The following TRAPPC9 variants were observed in gnomAD, a reference collection of about 807,000 sequenced individuals.
TRAPPC9 encodes the protein IKK2 binding protein.
A neutral mutation model predicts 124.0 loss-of-function variants in TRAPPC9; 83 were observed. The observed-to-expected ratio is 0.67, with a 90% CI of 0.56 to 0.80. The LOEUF is 0.80. TRAPPC9 is among the 30% of genes least tolerant of loss of function. The probability of loss-of-function intolerance (pLI) is 0.00; values close to 1 mark genes in which losing one functional copy is unlikely to be tolerated. For missense variants in TRAPPC9, 1,302 were observed against 1,508.3 expected (o/e 0.86, Z 2.27); for synonymous variants, 638 against 617.5 (o/e 1.03, Z -0.49).
chr8:140,233,581 T>G (rs2063655372), intron 16 of TRAPPC9, among the ~76,000 whole-genome samples: 1 of 145,280 alleles, frequency 6.9e-6, no homozygotes. Context: ...TTCCTCTCTC[T>G]CTCTCTCTCG....
chr8:139,755,001 G>A (rs889026713), intron 21 of TRAPPC9, among the ~76,000 whole-genome samples: 1 of 152,242 alleles, frequency 6.6e-6, no homozygotes, highest in Non-Finnish European at 1.5e-5. Context: ...TGGGAAGGAC[G>A]GGCCAAAGCC....
intron 21 of TRAPPC9, among the ~76,000 whole-genome samples, chr8:139,807,546 G>A (rs553600545): frequency 9.2e-5 from 14 of 152,266 alleles, no homozygotes; most frequent in South Asian, 6.2e-4. Context: ...CAAGGAAAAC[G>A]CAATGAACAG....
chr8:140,224,018 C>T (rs2063394645), intron 16 of TRAPPC9, among the ~76,000 whole-genome samples: 1 of 152,158 alleles, frequency 6.6e-6, no homozygotes, highest in African/African-American at 2.4e-5. Flanking sequence ...TGATCTGTTT[C>T]TGTTGGTGGT....
At chr8:139,898,781 G>A (rs547212940) in intron 20 of TRAPPC9, among the ~76,000 whole-genome samples, 28 of 152,186 alleles carry the variant, frequency 1.8e-4, no homozygotes, top group East Asian at 3.9e-4. Context: ...AATCCCTTCC[G>A]TGAATTTAAA....
intron 4 of TRAPPC9, among the ~76,000 whole-genome samples, chr8:140,433,056 A>C (rs1408748366): frequency 6.6e-6 from 1 of 152,134 alleles, no homozygotes; most frequent in Non-Finnish European, 1.5e-5. Context: ...TAATCCCAGC[A>C]CTTTGGGAGG....
At chr8:140,076,720 C>T (rs1040408732) in intron 17 of TRAPPC9, among the ~76,000 whole-genome samples, 2 of 152,228 alleles carry the variant, frequency 1.3e-5, no homozygotes, top group Non-Finnish European at 2.9e-5. Flanking sequence ...TACTGTCACA[C>T]AGCCCTCACC....
intron 19 of TRAPPC9, chr8:139,932,616 T>C (rs534498810): frequency 2.4e-6 from 1 of 425,388 alleles, no homozygotes; most frequent in South Asian, 1.7e-5. Flanking sequence ...CAAAAAAAAT[T>C]AGCCAGGTGT....
intron 19 of TRAPPC9, among the ~76,000 whole-genome samples, chr8:139,979,407 G>A (rs1428575169): frequency 6.6e-6 from 1 of 152,184 alleles, no homozygotes; most frequent in Non-Finnish European, 1.5e-5. Flanking sequence ...GGACCAAGGT[G>A]GTGGGAAGGG....
At position 139,731,240 on chromosome 8, in the gene TRAPPC9, G is replaced by C. The variant is rs758730843; in HGVS notation, c.3280-12C>G. ...CCGGACGGCTGCACCTGAGCAGGGA[G>C]GAGAAAGACACATCAGTCTGGTCAG... On this transcript the variant is annotated splice_polypyrimidine_tract_variant and intron_variant, in intron 22 of 22. Transcript: ENST00000438773. The C allele has an allele frequency of 1.2e-6, 2 of 1,612,762 alleles. No homozygotes were observed.
intron 17 of TRAPPC9, among the ~76,000 whole-genome samples, chr8:140,077,951 A>G (rs1843605242): frequency 6.6e-6 from 1 of 152,196 alleles, no homozygotes; most frequent in South Asian, 2.1e-4. Context: ...TCCTCAGAAA[A>G]TGGAGAACTT....
At chr8:139,817,904 C>A (rs1824966875) in intron 21 of TRAPPC9, among the ~76,000 whole-genome samples, 1 of 152,138 alleles carries the variant, frequency 6.6e-6, no homozygotes, top group Non-Finnish European at 1.5e-5. Flanking sequence ...TCATGTCTTA[C>A]AAAGCCATAC....
At chr8:139,873,856 C>G (rs891321453) in intron 21 of TRAPPC9, among the ~76,000 whole-genome samples, 1 of 152,228 alleles carries the variant, frequency 6.6e-6, no homozygotes, top group Admixed American at 6.5e-5. Context: ...CCACCTCTGG[C>G]CTCCGGAAAC....
At chr8:140,012,765 C>G (rs1839218113) in intron 18 of TRAPPC9, among the ~76,000 whole-genome samples, 2 of 152,228 alleles carry the variant, frequency 1.3e-5, no homozygotes, top group South Asian at 2.1e-4. Flanking sequence ...AACACGTTCT[C>G]TAGCCCACAC....
intron 17 of TRAPPC9, among the ~76,000 whole-genome samples, chr8:140,196,566 CTG>C (rs1180356870): frequency 2.2e-5 from 3 of 139,400 alleles, no homozygotes; most frequent in Non-Finnish European, 4.6e-5. Context: ...CAGATCACAC[CTG>C]TGACACTAAA....
intron 20 of TRAPPC9, among the ~76,000 whole-genome samples, chr8:139,888,336 G>A (rs899405627): frequency 2.0e-5 from 3 of 152,192 alleles, no homozygotes; most frequent in African/African-American, 4.8e-5. Context: ...ATGAGCTTTG[G>A]TTAATTTACT....
At chr8:140,061,320 G>T (rs1464571100) in intron 17 of TRAPPC9, among the ~76,000 whole-genome samples, 3 of 151,798 alleles carry the variant, frequency 2.0e-5, no homozygotes, top group Non-Finnish European at 2.9e-5. Flanking sequence ...GTCCTCTCTT[G>T]CAGCTCTTGA....
intron 19 of TRAPPC9, among the ~76,000 whole-genome samples, chr8:139,943,779 G>A (rs55751749): frequency 0.21 from 32,063 of 152,060 alleles, 3,617 homozygotes; most frequent in East Asian, 0.38. Flanking sequence ...CATTGGATAG[G>A]CTTCACAGAA....
chr8:139,783,838 T>C (rs958208102), intron 21 of TRAPPC9, among the ~76,000 whole-genome samples: 1 of 152,246 alleles, frequency 6.6e-6, no homozygotes, highest in African/African-American at 2.4e-5. Context: ...TGGTTTAGCA[T>C]TTGAAAATCA....
intron 7 of TRAPPC9, among the ~76,000 whole-genome samples, chr8:140,378,302 A>G (rs2068504691): frequency 1.3e-5 from 2 of 152,058 alleles, no homozygotes; most frequent in Non-Finnish European, 2.9e-5. Context: ...GGAGATTAAC[A>G]TTTGACTCGG....
Sources: gnomAD v4.1 joint callset for allele counts (sites outside exome capture counted in the v4.1 genomes callset) on GRCh38, gnomAD v4.1.1 for gene constraint, MANE v1.5 for transcripts, NCBI Gene and HGNC (gene_info 2026-07-23, HGNC 2026-07-21) for gene names.